TXNDC15: variants seen among roughly 807,000 people sequenced by gnomAD.
TXNDC15 encodes the protein thioredoxin domain containing 15.
Under a neutral mutation model 35.0 loss-of-function variants are expected in TXNDC15, and 24 were observed. That is an observed-to-expected ratio of 0.68 (90% CI 0.50 to 0.96). The LOEUF is 0.96. Ranked by LOEUF, TXNDC15 falls within the 40% of genes least tolerant of loss-of-function variation. The pLI is 0.00. For missense variants in TXNDC15, 385 were observed against 453.3 expected (o/e 0.85, Z 1.37); for synonymous variants, 169 against 174.0 (o/e 0.97, Z 0.23).
chr5:134,874,232 G>T, upstream of TXNDC15: 1 of 553,542 alleles, frequency 1.8e-6, no homozygotes, highest in Admixed American at 3.5e-5. Context: ...CTCCTAAAGA[G>T]GTCTCCAGTC....
chr5:134,897,895 G>T (rs889935412), intron 4 of TXNDC15, among the ~76,000 whole-genome samples: 3 of 152,074 alleles, frequency 2.0e-5, no homozygotes, highest in Non-Finnish European at 4.4e-5. Flanking sequence ...TGTAGTCGCA[G>T]CTACTCGGGA....
chr5:134,882,566 T>C (rs1028733486), intron 1 of TXNDC15, among the ~76,000 whole-genome samples: 15 of 152,148 alleles, frequency 9.9e-5, no homozygotes, highest in Non-Finnish European at 1.9e-4. Context: ...GAGCACTGAG[T>C]GAAGGAGACT....
At chr5:134,897,277 T>G (rs961961744) in intron 4 of TXNDC15, among the ~76,000 whole-genome samples, 5 of 151,810 alleles carry the variant, frequency 3.3e-5, no homozygotes, top group African/African-American at 1.2e-4. Context: ...AGACGGAGTC[T>G]CGCTCTGTCA....
intron 1 of TXNDC15, chr5:134,875,262 C>G (rs1750010023): frequency 4.4e-6 from 2 of 456,056 alleles, no homozygotes; most frequent in South Asian, 1.5e-5. Flanking sequence ...TCCTTCACCC[C>G]ACTCCTCATA....
intron 2 of TXNDC15, chr5:134,892,227 T>C (rs1163064726): frequency 6.6e-6 from 1 of 152,214 alleles, no homozygotes; most frequent in African/African-American, 2.4e-5. Flanking sequence ...CAGCACTTGC[T>C]GCCTCACCTT....
At chr5:134,891,719 G>A (rs922448847) in intron 2 of TXNDC15, among the ~76,000 whole-genome samples, 3 of 152,118 alleles carry the variant, frequency 2.0e-5, no homozygotes, top group Non-Finnish European at 2.9e-5. Flanking sequence ...AAACCTAGGA[G>A]TTCCAGACCA....
chr5:134,892,596 G>T (rs977580098), intron 2 of TXNDC15: 1 of 152,130 alleles, frequency 6.6e-6, no homozygotes, highest in African/African-American at 2.4e-5. Context: ...GTGGCTGTTT[G>T]GTGTAAGAGG....
At chr5:134,875,362 A>G (rs1452743823) in intron 1 of TXNDC15, 1 of 456,094 alleles carries the variant, frequency 2.2e-6, no homozygotes. Flanking sequence ...GGTGTCCTGG[A>G]TGGAGGCAGG....
At chr5:134,880,287 A>G (rs766392821) in intron 1 of TXNDC15, among the ~76,000 whole-genome samples, 15 of 151,730 alleles carry the variant, frequency 9.9e-5, no homozygotes, top group South Asian at 2.1e-4. Context: ...TGGTTTCTCT[A>G]TTTCTTTATG....
intron 4 of TXNDC15, among the ~76,000 whole-genome samples, chr5:134,897,837 T>C (rs1420361576): frequency 2.0e-5 from 3 of 151,850 alleles, no homozygotes; most frequent in Admixed American, 6.6e-5. Context: ...GGCGAAACCC[T>C]GTCTCTACTA....
rs1750566539 is a variant in TXNDC15, at chr5:134,899,842, T to C, written c.*157T>C. The C allele has an allele frequency of 6.6e-6, 4 of 608,284 alleles. No individual in the cohort carries two copies. The highest frequency in any genetic ancestry group is 1.1e-5 in the Non-Finnish European group (4 of 372,036). The allele number at this position is 608,284 out of a possible 1,614,324, so 37.7% of individuals were successfully genotyped here. Reference sequence around the variant, plus strand: ...AACAACTGAATGTATAAAAAAATTATAAACTGGTGTTTTAACTAGTATTGC... The same window carrying C: ...AACAACTGAATGTATAAAAAAATTACAAACTGGTGTTTTAACTAGTATTGC... On this transcript the variant is annotated 3_prime_UTR_variant, in exon 5 of 5. Transcript: ENST00000358387.
chr5:134,888,638 C>T (rs1750326324), intron 2 of TXNDC15, among the ~76,000 whole-genome samples: 1 of 152,112 alleles, frequency 6.6e-6, no homozygotes. Flanking sequence ...CATGCACTAC[C>T]ATGCCTGGCT....
Position 134,901,041 on chromosome 5 carries a change from G to A in TXNDC15, c.*1356G>A, listed in dbSNP as rs1253958923. ...GACTTCAGGTGATCCACCCGCCTCA[G>A]CCTCCCAAAGTGTTGGGATTACAGG... On this transcript the variant is annotated 3_prime_UTR_variant, in exon 5 of 5. Transcript: ENST00000358387. 6.6e-6 allele frequency: 1 copy of A among 152,186 alleles called. No homozygotes were observed. The highest frequency in any genetic ancestry group is 1.5e-5 in the Non-Finnish European group (1 of 68,032). 9.4% of individuals were successfully genotyped at this position (152,186 alleles called of 1,614,324 possible). A position where few individuals can be genotyped will look rare whatever the true frequency, so the allele number is the denominator to read the frequency against.
At position 134,901,536 on chromosome 5, in the gene TXNDC15, TGA is replaced by T. The variant is rs1323336692; in HGVS notation, c.*1853_*1854del. On this transcript the variant is annotated 3_prime_UTR_variant, in exon 5 of 5. Transcript: ENST00000358387. ...ACTCTAGTGAGTCCACCTCTTATAT[TGA>T]GTTATTACTGTGTGAGTGCCAAGTA... The T allele has an allele frequency of 2.6e-5, 4 of 152,348 alleles. No individual in the cohort carries two copies. In the East Asian group the frequency reaches 7.7e-4, roughly 29 times the overall value. The allele number at this position is 152,348 out of a possible 1,614,324, so 9.4% of individuals were successfully genotyped here.
rs745356173 is a variant in TXNDC15, at chr5:134,887,859, C to T, written c.268C>T (p.His90Tyr). The change falls in exon 2 of 5, where the codon CAC becomes TAC. Residue 90 changes from histidine to tyrosine, a missense_variant. Transcript: ENST00000358387. Reference sequence around the variant, plus strand: ...GCTGGGGCTGGACACCCAAGGCGATCACATGGTGATGCTGTCTGTGATTCC... The same window carrying T: ...GCTGGGGCTGGACACCCAAGGCGATTACATGGTGATGCTGTCTGTGATTCC... The part of the protein sequence containing the change: ...AVLGLDTQGD[H>Y]MVMLSVIPGE... The T allele has an allele frequency of 6.2e-7, 1 of 1,614,060 alleles. No individual in the cohort carries two copies. The highest frequency in any genetic ancestry group is 1.3e-5 in the African/African-American group (1 of 74,926).
In TXNDC15 at chr5:134,874,529, G is replaced by A. The variant is rs755389843; in HGVS notation, c.102G>A (p.Glu34=). ...TGGGACTTCCCGTCCGCGGCGTGGA[G>A]GGTGAGTGTGGGCCGGGGGCGGTGC... ...WVLGLPVRGV[E]VAEESGRLWS... The change falls in exon 1 of 5, where the codon GAG becomes GAA. Residue 34 remains glutamate, a splice_region_variant and synonymous_variant. Transcript: ENST00000358387. The A allele has an allele frequency of 2.1e-5, 33 of 1,598,466 alleles. No homozygotes were observed. The African/African-American group carries it at 2.5e-4, about 12-fold the overall frequency.
chr5:134,880,442 T>TA (rs949528397), intron 1 of TXNDC15, among the ~76,000 whole-genome samples: 61 of 147,664 alleles, frequency 4.1e-4, no homozygotes, highest in Middle Eastern at 3.5e-3. Context: ...CACTTATTAT[T>TA]TTTTTTTTTT....
In TXNDC15 at chr5:134,900,428, T is replaced by G. The variant is rs1750578234; in HGVS notation, c.*743T>G. 1 of 152,272 alleles carries G rather than the reference T, an allele frequency of 6.6e-6. No individual in the cohort carries two copies. Among genetic ancestry groups the G allele is most frequent in the South Asian group, 2.1e-4 (1 of 4,838 alleles). 9.4% of individuals were successfully genotyped at this position (152,272 alleles called of 1,614,324 possible). A position where few individuals can be genotyped will look rare whatever the true frequency, so the allele number is the denominator to read the frequency against. ...TGGCTCATGCCTGTAATCCCAGCACTTTGGGAGGCCAAGGCGGGAGGATCA... is the reference window on the plus strand; with the variant it reads ...TGGCTCATGCCTGTAATCCCAGCACGTTGGGAGGCCAAGGCGGGAGGATCA... On this transcript the variant is annotated 3_prime_UTR_variant, in exon 5 of 5. Coordinates refer to ENST00000358387, the MANE Select transcript of TXNDC15 (RefSeq NM_024715.4).
chr5:134,883,945 G>A (rs1465605046), intron 1 of TXNDC15, among the ~76,000 whole-genome samples: 1 of 149,550 alleles, frequency 6.7e-6, no homozygotes, highest in Admixed American at 6.7e-5. Flanking sequence ...AAAGCCAGGC[G>A]CGGTGGCTCA....
Sources: allele counts gnomAD v4.1 joint callset (sites outside exome capture counted in the v4.1 genomes callset), GRCh38; gene constraint gnomAD v4.1.1; transcripts MANE v1.5; gene names NCBI Gene and HGNC (gene_info 2026-07-23, HGNC 2026-07-21).